Variants in PHLPP1 observed in about 807,000 individuals in gnomAD.
PHLPP1 encodes PH domain and leucine rich repeat protein phosphatase 1.
In PHLPP1, 42 loss-of-function variants were observed where a neutral mutation model predicts 117.2. The ratio of observed to expected loss-of-function variants is 0.36; its 90% CI spans 0.28 to 0.46. PHLPP1 has a LOEUF of 0.46. Ranked by LOEUF, PHLPP1 falls within the 20% of genes least tolerant of loss-of-function variation. PHLPP1 has a pLI of 1.00. For synonymous variants in PHLPP1, 1,042 were observed against 970.7 expected (o/e 1.07, Z -1.37); for missense variants, 2,084 against 2,241.9 (o/e 0.93, Z 1.42).
At chr18:62,899,663 A>G (rs1916664078) in intron 6 of PHLPP1, among the ~76,000 whole-genome samples, 1 of 152,186 alleles carries the variant, frequency 6.6e-6, no homozygotes, top group Non-Finnish European at 1.5e-5. Context: ...CTCTTACTGC[A>G]ACAAAGCCAT....
chr18:62,791,204 T>C (rs1217211430), intron 1 of PHLPP1, among the ~76,000 whole-genome samples: 1 of 152,202 alleles, frequency 6.6e-6, no homozygotes, highest in African/African-American at 2.4e-5. Context: ...GATTGGATTT[T>C]CTTGAAAACA....
At chr18:62,912,421 T>C (rs1916982437) in intron 8 of PHLPP1, among the ~76,000 whole-genome samples, 1 of 151,804 alleles carries the variant, frequency 6.6e-6, no homozygotes, top group African/African-American at 2.4e-5. Flanking sequence ...GCTTCATGCA[T>C]TTCCTACTAC....
chr18:62,776,298 G>A (rs1912953893), intron 1 of PHLPP1, among the ~76,000 whole-genome samples: 1 of 152,200 alleles, frequency 6.6e-6, no homozygotes, highest in Admixed American at 6.5e-5. Flanking sequence ...ATGTAGACAG[G>A]ATTTCTATGT....
intron 14 of PHLPP1, among the ~76,000 whole-genome samples, chr18:62,965,195 G>A (rs1489909915): frequency 2.6e-5 from 4 of 152,072 alleles, no homozygotes; most frequent in African/African-American, 7.2e-5. Flanking sequence ...AAAGTTTCTC[G>A]AGAGGTTTTT....
Position 62,978,423 on chromosome 18 carries a change from C to T in PHLPP1, c.4146C>T (p.Val1382=), listed in dbSNP as rs763018141. 3.7e-6 allele frequency: 6 copies of T among 1,612,004 alleles called. No homozygotes were observed. Among genetic ancestry groups the T allele is most frequent in the South Asian group, 2.2e-5 (2 of 90,616 alleles). ...AGGGGTTGTGGGACAGCCTGTCCGT[C>T]GAGGAGGCCGTGGAAGCCGTGCGCA... is the stretch of plus-strand genomic sequence containing the variant. The part of the protein sequence containing the change: ...GSKGLWDSLS[V]EEAVEAVRNV... The change falls in exon 17 of 17, where the codon GTC becomes GTT. Residue 1382 remains valine, a synonymous_variant. Transcript: ENST00000262719. The surrounding 1 kb of genome is among the most constrained non-coding windows in gnomAD (Gnocchi z 7.0).
At position 62,895,848 on chromosome 18, in the gene PHLPP1, C is replaced by A. The variant is rs1916547940; in HGVS notation, c.2281C>A (p.Gln761Lys). ...TCCTGCTGAGTTGGAGAACATGAAG[C>A]AGCTTAGTTATCTGGGTCTTTCTTT... ...SLPAELENMK[Q>K]LSYLGLSFNE... is the part of the protein sequence containing the mutation. The change falls in exon 6 of 17, where the codon CAG becomes AAG. Residue 761 changes from glutamine (Q) to lysine (K), a missense_variant. By Grantham distance (53) the Gln-to-Lys change is moderately conservative. Transcript: ENST00000262719. The A allele has an allele frequency of 6.2e-7, 1 of 1,613,634 alleles. No homozygotes were observed.
At chr18:62,749,021 CCTTT>C (rs1327246826) in intron 1 of PHLPP1, among the ~76,000 whole-genome samples, 1 of 152,108 alleles carries the variant, frequency 6.6e-6, no homozygotes, top group Non-Finnish European at 1.5e-5. Context: ...TCTTCAACAT[CCTTT>C]CTTTAAAACA....
At chr18:62,874,657 G>GCACACA (rs71340125) in intron 4 of PHLPP1, among the ~76,000 whole-genome samples, 87 of 147,718 alleles carry the variant, frequency 5.9e-4, no homozygotes, top group African/African-American at 1.9e-3. Flanking sequence ...ACGCACGCGC[G>GCACACA]CACACACACA....
intron 1 of PHLPP1, among the ~76,000 whole-genome samples, chr18:62,738,966 T>C (rs1194377811): frequency 1.3e-5 from 2 of 152,200 alleles, no homozygotes; most frequent in African/African-American, 2.4e-5. Context: ...GGGGTGACCA[T>C]AATCCCATTA....
intron 6 of PHLPP1, among the ~76,000 whole-genome samples, chr18:62,897,764 C>T (rs1382835687): frequency 6.6e-6 from 1 of 152,202 alleles, no homozygotes; most frequent in East Asian, 1.9e-4. Flanking sequence ...GCCTCGACCT[C>T]TCAAAGTGCT....
At chr18:62,944,706 C>G (rs1910226029) in intron 11 of PHLPP1, among the ~76,000 whole-genome samples, 1 of 152,132 alleles carries the variant, frequency 6.6e-6, no homozygotes, top group Non-Finnish European at 1.5e-5. Flanking sequence ...GTTTTCAGTG[C>G]CACTACAAAG....
intron 4 of PHLPP1, among the ~76,000 whole-genome samples, chr18:62,861,983 GA>G (rs1915642621): frequency 6.6e-6 from 1 of 152,150 alleles, no homozygotes; most frequent in South Asian, 2.1e-4. Flanking sequence ...GTCATTTGGA[GA>G]GTACTACTCC....
intron 1 of PHLPP1, among the ~76,000 whole-genome samples, chr18:62,791,181 A>G (rs17070344): frequency 0.062 from 9,454 of 152,142 alleles, 987 homozygotes; most frequent in African/African-American, 0.22. Flanking sequence ...GTTTTTAAAA[A>G]ATTTTGTGGG....
Position 62,905,958 on chromosome 18 carries a change from G to A in PHLPP1, c.2708+674G>A, listed in dbSNP as rs1413017666. On this transcript the variant is annotated intron_variant, in intron 8 of 16. Transcript: ENST00000262719. ...TGTCTACAGTATGTATTTATACCAC[G>A]TAAACTTAAAAATTTTTAACAATGA... 2.6e-5 allele frequency among the ~76,000 whole-genome samples: 4 copies of A among 151,830 alleles called. No individual in the cohort carries two copies. The East Asian group carries it at 5.8e-4, about 22-fold the overall frequency.
At chr18:62,920,721 A>G (rs1234955572) in intron 10 of PHLPP1, among the ~76,000 whole-genome samples, 3 of 151,968 alleles carry the variant, frequency 2.0e-5, no homozygotes, top group Admixed American at 2.0e-4. Flanking sequence ...CACCACGCCC[A>G]GCTAATTTTT....
At chr18:62,756,047 C>T (rs1912007092) in intron 1 of PHLPP1, among the ~76,000 whole-genome samples, 1 of 144,878 alleles carries the variant, frequency 6.9e-6, no homozygotes, top group Non-Finnish European at 1.5e-5. Context: ...TTCTTTGACT[C>T]ATTCATTTTT....
chr18:62,854,085 A>G (rs1284716015), intron 3 of PHLPP1, among the ~76,000 whole-genome samples: 1 of 152,158 alleles, frequency 6.6e-6, no homozygotes, highest in Non-Finnish European at 1.5e-5. Context: ...GTTCCTACCT[A>G]CCCCACATAC....
intron 10 of PHLPP1, among the ~76,000 whole-genome samples, chr18:62,935,017 A>C (rs1237717247): frequency 6.6e-6 from 1 of 152,214 alleles, no homozygotes; most frequent in Non-Finnish European, 1.5e-5. Flanking sequence ...ATATTATATT[A>C]GATATATTAG....
intron 9 of PHLPP1, among the ~76,000 whole-genome samples, chr18:62,916,001 G>T (rs950991083): frequency 6.6e-6 from 1 of 152,108 alleles, no homozygotes; most frequent in African/African-American, 2.4e-5. Flanking sequence ...TATTATAGAA[G>T]TATGTCACCA....
Sources: gnomAD v4.1 joint callset for allele counts (sites outside exome capture counted in the v4.1 genomes callset) on GRCh38, gnomAD v4.1.1 for gene constraint, Gnocchi (gnomAD v3.1) non-coding constraint, MANE v1.5 for transcripts, NCBI Gene and HGNC (gene_info 2026-07-23, HGNC 2026-07-21) for gene names.